The following NRG3 variants were observed in gnomAD, a reference collection of about 807,000 sequenced individuals.
NRG3 encodes neuregulin 3, also known as pro-neuregulin-3, membrane-bound isoform.
In NRG3, 31 loss-of-function variants were observed where a neutral mutation model predicts 66.9. The observed-to-expected ratio is 0.46, with a 90% CI of 0.35 to 0.63. NRG3 has a LOEUF of 0.63. Ranked by LOEUF, NRG3 falls within the 20% of genes least tolerant of loss-of-function variation. NRG3 has a pLI of 0.00. For missense variants in NRG3, 910 were observed against 878.9 expected, an observed-to-expected ratio of 1.04 and a Z score of -0.45; for synonymous variants, 393 against 359.4, an observed-to-expected ratio of 1.09 and a Z score of -1.06.
chr10:82,450,341 C>T (rs2090961707), intron 2 of NRG3, among the ~76,000 whole-genome samples: 1 of 152,140 alleles, frequency 6.6e-6, no homozygotes, highest in Non-Finnish European at 1.5e-5. Flanking sequence ...ACCATCAGAG[C>T]ACTTGAGGAT....
At chr10:82,425,970 A>G (rs113232199) in intron 2 of NRG3, among the ~76,000 whole-genome samples, 1 of 152,114 alleles carries the variant, frequency 6.6e-6, no homozygotes, top group Non-Finnish European at 1.5e-5. Context: ...TTTAGTGAAC[A>G]TGTGTCCCTG....
intron 1 of NRG3, among the ~76,000 whole-genome samples, chr10:82,173,216 A>G (rs2072765907): frequency 6.6e-6 from 1 of 152,078 alleles, no homozygotes; most frequent in South Asian, 2.1e-4. Flanking sequence ...GCTGTAAAAG[A>G]TAAGATCAAT....
intron 2 of NRG3, among the ~76,000 whole-genome samples, chr10:82,458,369 A>G (rs1240134337): frequency 6.6e-6 from 1 of 152,102 alleles, no homozygotes; most frequent in Non-Finnish European, 1.5e-5. Context: ...CAGAGCATCC[A>G]CTCTGTTCCA....
At chr10:82,889,120 G>C (rs530294316) in intron 4 of NRG3, among the ~76,000 whole-genome samples, 1 of 152,196 alleles carries the variant, frequency 6.6e-6, no homozygotes, top group South Asian at 2.1e-4. Context: ...TATTAGAGCT[G>C]ATTTTTTGAG....
At chr10:82,446,258 G>A (rs539715469) in intron 2 of NRG3, among the ~76,000 whole-genome samples, 5 of 152,238 alleles carry the variant, frequency 3.3e-5, no homozygotes, top group South Asian at 2.1e-4. Flanking sequence ...TTAAACTCAC[G>A]CAGTATTGGC....
At chr10:82,670,145 C>G (rs946878507) in intron 2 of NRG3, among the ~76,000 whole-genome samples, 1 of 152,054 alleles carries the variant, frequency 6.6e-6, no homozygotes, top group Non-Finnish European at 1.5e-5. Flanking sequence ...AACTCCTTGC[C>G]TTCTTTCACC....
chr10:82,112,372 TTG>T (rs1485741895), intron 1 of NRG3, among the ~76,000 whole-genome samples: 1 of 152,018 alleles, frequency 6.6e-6, no homozygotes, highest in Non-Finnish European at 1.5e-5. Flanking sequence ...TACTGTGAAG[TTG>T]TGGGGTTATT....
chr10:82,849,263 A>T (rs975176969), intron 3 of NRG3, among the ~76,000 whole-genome samples: 2 of 152,188 alleles, frequency 1.3e-5, no homozygotes, highest in Non-Finnish European at 2.9e-5. Flanking sequence ...AACCATCAGA[A>T]GCTAGGAGAG....
intron 2 of NRG3, among the ~76,000 whole-genome samples, chr10:82,662,894 C>A (rs1591070565): frequency 6.6e-6 from 1 of 152,112 alleles, no homozygotes. Flanking sequence ...CTTCCATCCT[C>A]AAGGTTACAA....
intron 2 of NRG3, among the ~76,000 whole-genome samples, chr10:82,713,489 G>A (rs2056797439): frequency 6.6e-6 from 1 of 152,164 alleles, no homozygotes; most frequent in South Asian, 2.1e-4. Flanking sequence ...AGTCATGGAT[G>A]CTTTTGGCCT....
intron 1 of NRG3, among the ~76,000 whole-genome samples, chr10:82,239,163 G>T (rs961330480): frequency 6.6e-6 from 1 of 151,486 alleles, no homozygotes; most frequent in Non-Finnish European, 1.5e-5. Context: ...TTTTTGTATT[G>T]TATTCACAAA....
At chr10:82,280,382 C>G (rs964838798) in intron 1 of NRG3, among the ~76,000 whole-genome samples, 3 of 152,070 alleles carry the variant, frequency 2.0e-5, no homozygotes, top group Non-Finnish European at 4.4e-5. Flanking sequence ...TGTGATGGAC[C>G]TTGGAAAAAT....
At chr10:82,397,441 T>C (rs1404162293) in intron 2 of NRG3, among the ~76,000 whole-genome samples, 1 of 152,206 alleles carries the variant, frequency 6.6e-6, no homozygotes, top group East Asian at 1.9e-4. Flanking sequence ...AGTGAGAACA[T>C]GGTTTGTCTA....
intron 1 of NRG3, among the ~76,000 whole-genome samples, chr10:81,892,565 G>A (rs1843122051): frequency 6.6e-6 from 1 of 152,016 alleles, no homozygotes; most frequent in Non-Finnish European, 1.5e-5. Context: ...CTGTTACGTT[G>A]GTTGGCAAGG....
chr10:82,907,610 T>TA (rs1279831713), intron 4 of NRG3, among the ~76,000 whole-genome samples: 1 of 152,202 alleles, frequency 6.6e-6, no homozygotes, highest in East Asian at 1.9e-4. Flanking sequence ...AACTTGGGCC[T>TA]ATGGAACCTT....
At chr10:82,049,899 A>T (rs575579384) in intron 1 of NRG3, among the ~76,000 whole-genome samples, 7 of 152,172 alleles carry the variant, frequency 4.6e-5, no homozygotes, top group African/African-American at 1.7e-4. Flanking sequence ...AGCCCCTAGG[A>T]ATCTAAGAAT....
At chr10:82,008,700 C>G (rs1201100269) in intron 1 of NRG3, among the ~76,000 whole-genome samples, 1 of 152,054 alleles carries the variant, frequency 6.6e-6, no homozygotes, top group Non-Finnish European at 1.5e-5. Context: ...ATTTTGATCT[C>G]TATTTTTCCT....
intron 4 of NRG3, among the ~76,000 whole-genome samples, chr10:82,897,638 C>A (rs1404686960): frequency 6.6e-6 from 1 of 152,170 alleles, no homozygotes; most frequent in Non-Finnish European, 1.5e-5. Context: ...CCTGCCTCAG[C>A]CTCCCGAGTA....
intron 2 of NRG3, among the ~76,000 whole-genome samples, chr10:82,379,315 A>G (rs2085459887): frequency 6.6e-6 from 1 of 152,114 alleles, no homozygotes; most frequent in African/African-American, 2.4e-5. Context: ...AAATTAGCCA[A>G]CGCTTGGGGG....
Sources: allele counts gnomAD v4.1 joint callset (sites outside exome capture counted in the v4.1 genomes callset), GRCh38; gene constraint gnomAD v4.1.1; transcripts MANE v1.5; gene names NCBI Gene and HGNC (gene_info 2026-07-23, HGNC 2026-07-21).